The following TRPS1 variants were observed in gnomAD, a reference collection of about 807,000 sequenced individuals.
TRPS1 encodes the protein zinc finger transcription factor Trps1.
In TRPS1, 6 loss-of-function variants were observed where a neutral mutation model predicts 101.2. The ratio of observed to expected loss-of-function variants is 0.06; its 90% CI spans 0.03 to 0.12. The LOEUF (loss-of-function observed/expected upper bound fraction) is 0.12. Ranked by LOEUF, TRPS1 falls within the 10% of genes least tolerant of loss-of-function variation. TRPS1 has a pLI of 1.00. For missense variants in TRPS1, 1,363 were observed against 1,567.0 expected, an observed-to-expected ratio of 0.87 and a Z score of 2.20; for synonymous variants, 578 against 589.8, an observed-to-expected ratio of 0.98 and a Z score of 0.29.
At chr8:115,491,069 T>A (rs558601401) in intron 5 of TRPS1, among the ~76,000 whole-genome samples, 3 of 152,202 alleles carry the variant, frequency 2.0e-5, no homozygotes, top group African/African-American at 7.2e-5. Context: ...ATGGTAACAA[T>A]TCTCTACTCC....
At position 115,413,398 on chromosome 8, in the gene TRPS1, ACAGCG is replaced by A. The variant is rs942262055; in HGVS notation, c.*620_*624del. On this transcript the variant is annotated 3_prime_UTR_variant, in exon 7 of 7. Coordinates refer to ENST00000395715, the MANE Select transcript of TRPS1 (RefSeq NM_014112.5). ...TATGTACAGGCAGGGCTGGGTAAAA[ACAGCG>A]TGCCACCATCTGTCATGTTGCTTGC... 2.0e-5 allele frequency: 3 copies of A among 152,710 alleles called. No individual in the cohort carries two copies. Among genetic ancestry groups the A allele is most frequent in the Non-Finnish European group, 4.4e-5 (3 of 68,152 alleles). 9.5% of individuals were successfully genotyped at this position (152,710 alleles called of 1,614,324 possible). A position where few individuals can be genotyped will look rare whatever the true frequency, so the allele number is the denominator to read the frequency against.
chr8:115,567,593 G>T (rs751322114), intron 5 of TRPS1, among the ~76,000 whole-genome samples: 27 of 152,052 alleles, frequency 1.8e-4, no homozygotes, highest in Non-Finnish European at 2.8e-4. Context: ...GAGCACTTTT[G>T]CAGTGACTTA....
intron 5 of TRPS1, among the ~76,000 whole-genome samples, chr8:115,577,875 G>A (rs1026553607): frequency 5.9e-5 from 9 of 152,016 alleles, no homozygotes; most frequent in Admixed American, 3.9e-4. Context: ...GACATACATC[G>A]GGGGAAGGCG....
At chr8:115,485,116 A>G (rs1202158782) in intron 5 of TRPS1, among the ~76,000 whole-genome samples, 1 of 152,138 alleles carries the variant, frequency 6.6e-6, no homozygotes, top group Admixed American at 6.6e-5. Context: ...ATATACACAC[A>G]CAAGCCCTGA....
chr8:115,619,786 G>A lies in TRPS1; in HGVS notation c.312C>T (p.Pro104=), dbSNP rs747016424. 6.2e-7 allele frequency: 1 copy of A among 1,614,206 alleles called. No homozygotes were observed. Among genetic ancestry groups the A allele is most frequent in the Non-Finnish European group, 8.5e-7 (1 of 1,180,026 alleles). Reference sequence around the variant, plus strand: ...AGGAGGGAAAGTTTCCTCCCTTACTGGGGCTTTCATAATTGAAGCCAGCCT... The same window carrying A: ...AGGAGGGAAAGTTTCCTCCCTTACTAGGGCTTTCATAATTGAAGCCAGCCT... ...SEKAGFNYES[P]SKGGNFPSFP... The change falls in exon 3 of 7, where the codon CCC becomes CCT. Residue 104 remains proline (P), a synonymous_variant. Transcript: ENST00000395715.
chr8:115,480,258 A>T (rs1351283039), intron 5 of TRPS1, among the ~76,000 whole-genome samples: 1 of 152,122 alleles, frequency 6.6e-6, no homozygotes, highest in African/African-American at 2.4e-5. Flanking sequence ...AGATGAAATG[A>T]AATACCATAC....
At chr8:115,535,514 AT>A (rs1268999512) in intron 5 of TRPS1, among the ~76,000 whole-genome samples, 2 of 148,236 alleles carry the variant, frequency 1.3e-5, no homozygotes, top group East Asian at 2.0e-4. Context: ...TATAGCGCAT[AT>A]ATATAGCGCA....
At chr8:115,449,986 C>CACACACAG (rs1813827599) in intron 5 of TRPS1, among the ~76,000 whole-genome samples, 1 of 151,656 alleles carries the variant, frequency 6.6e-6, no homozygotes, top group African/African-American at 2.4e-5. Flanking sequence ...CACACACACA[C>CACACACAG]ACAGACATAC....
At chr8:115,512,539 T>TA (rs1586350699) in intron 5 of TRPS1, among the ~76,000 whole-genome samples, 1 of 151,574 alleles carries the variant, frequency 6.6e-6, no homozygotes, top group African/African-American at 2.4e-5. Flanking sequence ...TTTTTTGAGC[T>TA]AAAAAATTCA....
At chr8:115,665,240 GTTTA>G (rs773741008) in intron 1 of TRPS1, among the ~76,000 whole-genome samples, 45 of 152,116 alleles carry the variant, frequency 3.0e-4, no homozygotes, top group Non-Finnish European at 6.2e-4. Flanking sequence ...TTTCAGTAAT[GTTTA>G]TTTACAACAA....
chr8:115,497,516 G>C, intron 5 of TRPS1, among the ~76,000 whole-genome samples: 1 of 152,064 alleles, frequency 6.6e-6, no homozygotes, highest in South Asian at 2.1e-4. Context: ...ATCATATTTG[G>C]GGCTTATATC....
At chr8:115,480,888 G>A (rs1489674217) in intron 5 of TRPS1, among the ~76,000 whole-genome samples, 1 of 152,016 alleles carries the variant, frequency 6.6e-6, no homozygotes, top group Non-Finnish European at 1.5e-5. Context: ...AAATTTACGT[G>A]CATGTCAGCC....
chr8:115,627,577 T>C (rs1268318479), intron 1 of TRPS1, among the ~76,000 whole-genome samples: 1 of 152,018 alleles, frequency 6.6e-6, no homozygotes, highest in African/African-American at 2.4e-5. Context: ...TTTTATTATA[T>C]GTAAATTAGA....
intron 5 of TRPS1, among the ~76,000 whole-genome samples, chr8:115,513,630 C>G (rs1815637518): frequency 6.6e-6 from 1 of 151,594 alleles, no homozygotes; most frequent in Non-Finnish European, 1.5e-5. Flanking sequence ...TTGTGTATGG[C>G]TACTTTCATA....
chr8:115,515,065 A>C (rs1392751194), intron 5 of TRPS1: 1 of 571,190 alleles, frequency 1.8e-6, no homozygotes, highest in Admixed American at 3.0e-5. Flanking sequence ...TGTAAGAAAA[A>C]TTTGTTGAGG....
At chr8:115,621,658 T>C (rs572132717) in intron 2 of TRPS1, among the ~76,000 whole-genome samples, 2 of 152,346 alleles carry the variant, frequency 1.3e-5, no homozygotes, top group African/African-American at 2.4e-5. Flanking sequence ...CTCACGCCTG[T>C]AATCCCAGCA....
At chr8:115,509,147 C>G (rs1331997068) in intron 5 of TRPS1, among the ~76,000 whole-genome samples, 4 of 151,898 alleles carry the variant, frequency 2.6e-5, no homozygotes, top group Non-Finnish European at 5.9e-5. Flanking sequence ...TGTATGACAA[C>G]AACCTAGAAA....
chr8:115,634,239 G>A (rs1484184821), intron 1 of TRPS1, among the ~76,000 whole-genome samples: 1 of 152,106 alleles, frequency 6.6e-6, no homozygotes, highest in African/African-American at 2.4e-5. Flanking sequence ...CAAGACTACA[G>A]TCACCTAAAC....
chr8:115,503,659 G>A (rs1400503621), intron 5 of TRPS1, among the ~76,000 whole-genome samples: 1 of 152,108 alleles, frequency 6.6e-6, no homozygotes, highest in Non-Finnish European at 1.5e-5. Flanking sequence ...TATAATGAAT[G>A]TTTACAAAAC....
Sources: gnomAD v4.1 joint callset for allele counts (sites outside exome capture counted in the v4.1 genomes callset) on GRCh38, gnomAD v4.1.1 for gene constraint, MANE v1.5 for transcripts, NCBI Gene and HGNC (gene_info 2026-07-23, HGNC 2026-07-21) for gene names.